Variants in ACP7 observed in about 807,000 individuals in gnomAD.
The protein encoded by ACP7 is acid phosphatase 7, tartrate resistant (putative).
A neutral mutation model predicts 60.6 loss-of-function variants in ACP7; 58 were observed. The observed-to-expected ratio is 0.96, with a 90% CI of 0.77 to 1.19. ACP7 has a LOEUF of 1.19. Among genes scored for constraint, ACP7 ranks in the 50% most tolerant of loss-of-function variants. The pLI is 0.00. For synonymous variants in ACP7, 237 were observed against 232.6 expected, an observed-to-expected ratio of 1.02 and a Z score of -0.17; for missense variants, 574 against 596.2, an observed-to-expected ratio of 0.96 and a Z score of 0.39.
chr19:39,098,843 G>A (rs1600263063), intron 3 of ACP7, 117 bp from the exon 4 acceptor site: 10 of 1,454,838 alleles, frequency 6.9e-6, no homozygotes, highest in Middle Eastern at 2.1e-4. Flanking sequence ...GAAGGGGCAT[G>A]GGCCAGCCCC....
intron 4 of ACP7, 58 bp from the exon 5 acceptor site, chr19:39,100,169 T>G: frequency 6.3e-7 from 1 of 1,598,850 alleles, no homozygotes; most frequent in Non-Finnish European, 8.5e-7. Flanking sequence ...GCTCTCTCAA[T>G]TCCAGTGAAA....
intron 2 of ACP7, among the ~76,000 whole-genome samples, chr19:39,087,403 A>G (rs1181185648): frequency 6.6e-6 from 1 of 152,046 alleles, no homozygotes; most frequent in East Asian, 1.9e-4. Context: ...GTTGTTTTGG[A>G]TTTTGCCTGT....
At chr19:39,109,235 T>C (rs2073442712) in intron 12 of ACP7, among the ~76,000 whole-genome samples, 1 of 152,094 alleles carries the variant, frequency 6.6e-6, no homozygotes, top group African/African-American at 2.4e-5. Context: ...GGTCACACAG[T>C]TGGAGGACGG....
rs756821395 is a variant in ACP7 at position 39,099,089 on chromosome 19, C to T, written c.452C>T (p.Pro151Leu). Residue 151 changes from proline to leucine, a missense_variant, in exon 4 of 13, where the codon CCC becomes CTC. Physicochemically the swap from Pro to Leu is moderately conservative, Grantham distance 98 (BLOSUM62 -3). Transcript: ENST00000331256. ...GGGGCTGACAACCCGAAGGCCGTCC[C>T]CCGGCTGCGCAGGGACACCCAGCAG... is the stretch of plus-strand genomic sequence containing the variant. The part of the protein sequence containing the change: ...DLGADNPKAV[P>L]RLRRDTQQGM... 6.2e-6 allele frequency: 10 copies of T among 1,602,036 alleles called. 1 individual carries two copies. Among genetic ancestry groups the T allele is most frequent in the Middle Eastern group, 1.7e-4 (1 of 5,976 alleles).
chr19:39,101,575 A>G (rs1472914954), intron 11 of ACP7, 38 bp downstream of exon 11: 1 of 1,586,020 alleles, frequency 6.3e-7, no homozygotes, highest in African/African-American at 1.4e-5. Flanking sequence ...TTCTCTCTCT[A>G]TTCCTATCTA....
In ACP7 at chr19:39,110,073, T is replaced by C; in HGVS notation, c.1272T>C (p.Asp424=). 6.2e-7 allele frequency: 1 copy of C among 1,613,926 alleles called. No homozygotes were observed. Among genetic ancestry groups the C allele is most frequent in the Non-Finnish European group, 8.5e-7 (1 of 1,179,782 alleles). ...CACAGGATGGGAAGATCGTAGATGA[T>C]GTCTGGGTGGTGAGACCCCTGTTTG... ...SDDQDGKIVD[D]VWVVRPLFGR... is the part of the protein sequence containing the mutation. Residue 424 remains aspartate (D), a synonymous_variant, in exon 13 of 13, where the codon GAT becomes GAC. Coordinates refer to ENST00000331256, the MANE Select transcript of ACP7 (RefSeq NM_001004318.3).
chr19:39,102,889 G>A (rs570489435), intron 11 of ACP7, among the ~76,000 whole-genome samples: 2 of 150,302 alleles, frequency 1.3e-5, no homozygotes, highest in South Asian at 4.2e-4. Context: ...CCAGGCTGGA[G>A]TGCAGTGGCA....
chr19:39,088,731 GTTTGT>G (rs2144964409), intron 2 of ACP7, among the ~76,000 whole-genome samples: 1 of 21,170 alleles, frequency 4.7e-5, no homozygotes, highest in African/African-American at 3.5e-4. Flanking sequence ...TTGTGGGTTT[GTTTGT>G]TTGTTTGTTT....
intron 2 of ACP7, among the ~76,000 whole-genome samples, chr19:39,090,773 G>A (rs891084302): frequency 2.1e-5 from 3 of 145,430 alleles, no homozygotes; most frequent in African/African-American, 5.0e-5. Context: ...TGAACTACTC[G>A]CCCAGCCTTC....
chr19:39,088,815 G>C (rs1341947537), intron 2 of ACP7, among the ~76,000 whole-genome samples: 1 of 152,008 alleles, frequency 6.6e-6, no homozygotes, highest in East Asian at 1.9e-4. Context: ...GTGTGGTCTT[G>C]GTTCACTGCA....
rs559239375 is a variant in ACP7, at chr19:39,106,990, C to T, written c.1157C>T (p.Pro386Leu). 8 of 1,614,048 alleles carry T rather than the reference C, an allele frequency of 5.0e-6. No individual in the cohort carries two copies. The East Asian group carries it at 1.6e-4, about 31-fold the overall frequency. ...RLTPFAVFPR[P>L]WSAVRVKEYG... Reference sequence around the variant, plus strand: ...ACGCCCTTTGCTGTCTTCCCGAGGCCCTGGAGTGCCGTGCGTGTGAAGGAG... The same window carrying T: ...ACGCCCTTTGCTGTCTTCCCGAGGCTCTGGAGTGCCGTGCGTGTGAAGGAG... Residue 386 changes from proline (P) to leucine (L), a missense_variant, in exon 12 of 13, where the codon CCC (proline) becomes CTC (leucine). Physicochemically the swap from Pro to Leu is moderately conservative, Grantham distance 98 (BLOSUM62 -3). Coordinates refer to ENST00000331256, the MANE Select transcript of ACP7 (RefSeq NM_001004318.3).
rs1248187935 is a variant in ACP7 at position 39,101,641 on chromosome 19, A to G, written c.1113+104A>G. On this transcript the variant is annotated intron_variant, in intron 11 of 12. Transcript: ENST00000331256. ...CTGGGTGCTTTATATAGTGGATATC[A>G]CTTAACCCTCAGCCCTAAGGTCGGG... 17 of 1,279,652 alleles carry G rather than the reference A, an allele frequency of 1.3e-5. 1 individual carries two copies. In the East Asian group the frequency reaches 4.3e-4, roughly 32 times the overall value. 79.3% of individuals were successfully genotyped at this position (1,279,652 alleles called of 1,614,324 possible).
chr19:39,108,131 C>T (rs2073431240), intron 12 of ACP7, among the ~76,000 whole-genome samples: 1 of 141,874 alleles, frequency 7.0e-6, no homozygotes, highest in Non-Finnish European at 1.5e-5. Flanking sequence ...CCTTGAGTCA[C>T]TCATCTAATT....
At chr19:39,084,161 C>G (rs1417389761), upstream of ACP7, 1 of 152,286 alleles carries the variant, frequency 6.6e-6, no homozygotes, top group South Asian at 2.1e-4. Context: ...CTGGGTCCCC[C>G]TTCCCGCGCC....
Position 39,110,100 on chromosome 19 carries a change from C to T in ACP7, c.1299C>T (p.Gly433=), listed in dbSNP as rs373930604. ...DDVWVVRPLF[G]RRMYL The stretch of plus-strand genomic sequence containing the variant: ...TCTGGGTGGTGAGACCCCTGTTTGG[C>T]CGGAGGATGTACCTCTAGGGATGGC... Residue 433 remains glycine, a synonymous_variant, in exon 13 of 13, where the codon GGC becomes GGT. Coordinates refer to ENST00000331256, the MANE Select transcript of ACP7 (RefSeq NM_001004318.3). 44 of 1,613,810 alleles carry T rather than the reference C, an allele frequency of 2.7e-5. No individual in the cohort carries two copies. In the Middle Eastern group the frequency reaches 4.9e-4, roughly 18 times the overall value.
intron 2 of ACP7, among the ~76,000 whole-genome samples, chr19:39,093,850 C>T (rs1275473109): frequency 1.3e-5 from 2 of 152,194 alleles, no homozygotes; most frequent in East Asian, 3.8e-4. Flanking sequence ...TACTCTTATG[C>T]ACTTTGCTTT....
intron 11 of ACP7, among the ~76,000 whole-genome samples, chr19:39,105,344 C>T (rs2145037262): frequency 6.6e-6 from 1 of 152,116 alleles, no homozygotes; most frequent in East Asian, 1.9e-4. Context: ...CAGAAACATT[C>T]TCTACTCTTT....
chr19:39,098,414 C>A (rs1484157666), intron 2 of ACP7, 44 bp from the exon 3 acceptor site: 1 of 1,386,416 alleles, frequency 7.2e-7, no homozygotes, highest in South Asian at 1.5e-5. Flanking sequence ...TCCCACCCTG[C>A]CCAGGCTTCA....
chr19:39,110,021 C>G lies in ACP7; in HGVS notation c.1252-32C>G, dbSNP rs763391038. 12 of 1,601,586 alleles carry G rather than the reference C, an allele frequency of 7.5e-6. No homozygotes were observed. In the Admixed American group the frequency reaches 1.2e-4, roughly 16 times the overall value. On this transcript the variant is annotated intron_variant, in intron 12 of 12. Transcript: ENST00000331256. ...GGCCCCAGAGTTCAGGCTTTCAGCT[C>G]TAACTACTGTCCCTGTTTTTGTCCC...
Sources: gnomAD v4.1 joint callset for allele counts (sites outside exome capture counted in the v4.1 genomes callset) on GRCh38, gnomAD v4.1.1 for gene constraint, MANE v1.5 for transcripts, NCBI Gene and HGNC (gene_info 2026-07-23, HGNC 2026-07-21) for gene names.